The following ZSWIM2 variants were observed in gnomAD, a reference collection of about 807,000 sequenced individuals.
ZSWIM2 encodes the protein E3 ubiquitin-protein ligase ZSWIM2.
In ZSWIM2, 38 loss-of-function variants were observed where a neutral mutation model predicts 48.4. That is an observed-to-expected ratio of 0.79 (90% CI 0.61 to 1.03). ZSWIM2 has a LOEUF of 1.03. ZSWIM2 is among the 50% of genes least tolerant of loss of function. The pLI is 0.00. For missense variants in ZSWIM2, 776 were observed against 730.2 expected, an observed-to-expected ratio of 1.06 and a Z score of -0.72; for synonymous variants, 240 against 251.3, an observed-to-expected ratio of 0.96 and a Z score of 0.42.
At chr2:186,841,045 C>G (rs537558548) in intron 3 of ZSWIM2, among the ~76,000 whole-genome samples, 2 of 151,458 alleles carry the variant, frequency 1.3e-5, no homozygotes, top group Admixed American at 1.3e-4. Flanking sequence ...AGCACAGACA[C>G]TAAAACTGAC....
intron 7 of ZSWIM2, among the ~76,000 whole-genome samples, chr2:186,831,465 C>T (rs1691698291): frequency 1.3e-5 from 2 of 151,772 alleles, no homozygotes; most frequent in Admixed American, 1.3e-4. Context: ...GAAATTATTA[C>T]TTTTAGTTTC....
intron 3 of ZSWIM2, among the ~76,000 whole-genome samples, chr2:186,841,650 T>A (rs2105821222): frequency 6.6e-6 from 1 of 151,460 alleles, no homozygotes; most frequent in South Asian, 2.1e-4. Context: ...AAATTGCTTA[T>A]AATATACCAT....
chr2:186,835,208 A>G (rs191897913), intron 5 of ZSWIM2, among the ~76,000 whole-genome samples: 24,981 of 152,146 alleles, frequency 0.16, 2,325 homozygotes, highest in Middle Eastern at 0.26. Context: ...CATATAAAAG[A>G]TCTCAATAAA....
At chr2:186,831,973 A>G (rs141177290) in intron 7 of ZSWIM2, among the ~76,000 whole-genome samples, 9,125 of 152,218 alleles carry the variant, frequency 0.06, 419 homozygotes, top group Non-Finnish European at 0.092. Flanking sequence ...ATGTATACAT[A>G]TGTAACAAAC....
chr2:186,835,394 T>A lies in ZSWIM2; in HGVS notation c.744-1364A>T, dbSNP rs1691775697. On this transcript the variant is annotated intron_variant, in intron 5 of 8. Transcript: ENST00000295131. Reference sequence around the variant, plus strand: ...ACTTATTATTCAAGTTATCAAATATTTAGAAGATTATTGCCATGAGAAATT... The same window carrying A: ...ACTTATTATTCAAGTTATCAAATATATAGAAGATTATTGCCATGAGAAATT... 2.0e-5 allele frequency among the ~76,000 whole-genome samples: 3 copies of A among 152,124 alleles called. No homozygotes were observed. In the South Asian group the frequency reaches 6.2e-4, roughly 31 times the overall value.
At chr2:186,828,827 A>G (rs1434423162) in intron 8 of ZSWIM2, 37 bp from the exon 9 acceptor site, 3 of 1,228,066 alleles carry the variant, frequency 2.4e-6, no homozygotes, top group South Asian at 2.7e-5. Flanking sequence ...AACTATACCA[A>G]TCTTGTTTAT....
In ZSWIM2 at chr2:186,841,369, T is replaced by C. The variant is rs543952877; in HGVS notation, c.284-2200A>G. Among the ~76,000 whole-genome samples, 39 of 151,454 alleles carry C rather than the reference T, an allele frequency of 2.6e-4. 1 individual carries two copies. The South Asian group carries it at 8.1e-3, about 31-fold the overall frequency. ...CTGTTAATATCTTTGTATGCTTAAG[T>C]ACTATAGTTAAAATGTGCCAAAAAC... On this transcript the variant is annotated intron_variant, in intron 3 of 8. Coordinates refer to ENST00000295131, the MANE Select transcript of ZSWIM2 (RefSeq NM_182521.3).
chr2:186,834,592 C>A (rs1196147238), intron 5 of ZSWIM2, among the ~76,000 whole-genome samples: 1 of 152,096 alleles, frequency 6.6e-6, no homozygotes, highest in Non-Finnish European at 1.5e-5. Context: ...ACAGTCTCAT[C>A]CTGAAACCAT....
chr2:186,835,559 G>A (rs1211610023), intron 5 of ZSWIM2, among the ~76,000 whole-genome samples: 1 of 152,076 alleles, frequency 6.6e-6, no homozygotes, highest in Non-Finnish European at 1.5e-5. Flanking sequence ...ATACATCAAA[G>A]TATGCTGGGC....
rs1211668965 is a variant in ZSWIM2, at chr2:186,849,135, G to C, written c.-5C>G. On this transcript the variant is annotated 5_prime_UTR_variant, in exon 1 of 9. Coordinates refer to ENST00000295131, the MANE Select transcript of ZSWIM2 (RefSeq NM_182521.3). Reference sequence around the variant, plus strand: ...CTTATAGCCTCGGCGAAGCATGCTGGGTGCGGGCGGAGGCGGCCCCTCTGC... The same window carrying C: ...CTTATAGCCTCGGCGAAGCATGCTGCGTGCGGGCGGAGGCGGCCCCTCTGC... The C allele has an allele frequency of 4.4e-6, 7 of 1,605,232 alleles. No individual in the cohort carries two copies. Among genetic ancestry groups the C allele is most frequent in the South Asian group, 1.1e-5 (1 of 90,736 alleles).
At chr2:186,844,805 A>G in intron 2 of ZSWIM2, 48 bp from the exon 3 acceptor site, 1 of 1,462,128 alleles carries the variant, frequency 6.8e-7, no homozygotes, top group Non-Finnish European at 9.2e-7. Context: ...TTTTTGGCAT[A>G]AACTCAAAAG....
At chr2:186,840,847 GA>G (rs1264810339) in intron 3 of ZSWIM2, among the ~76,000 whole-genome samples, 1 of 151,274 alleles carries the variant, frequency 6.6e-6, no homozygotes, top group Non-Finnish European at 1.5e-5. Flanking sequence ...AAGCCATAGA[GA>G]AAAAACTTAT....
chr2:186,837,479 G>A lies in ZSWIM2; in HGVS notation c.570C>T (p.Ser190=). 6.2e-7 allele frequency: 1 copy of A among 1,612,288 alleles called. No homozygotes were observed. The highest frequency in any genetic ancestry group is 8.5e-7 in the Non-Finnish European group (1 of 1,179,006). Residue 190 remains serine (S), a synonymous_variant, in exon 5 of 9, where the codon TCC becomes TCT. Coordinates refer to ENST00000295131, the MANE Select transcript of ZSWIM2 (RefSeq NM_182521.3). ...TCCTGCACAGAGGACATTTCAACAT[G>A]GAAGTGTTTGATGTACTCTGATAAT... ...LANYQSTSNT[S]MLKCPLCRKE... is the part of the protein sequence containing the mutation.
chr2:186,840,402 C>A (rs891735110), intron 3 of ZSWIM2, among the ~76,000 whole-genome samples: 2 of 151,376 alleles, frequency 1.3e-5, no homozygotes, highest in Non-Finnish European at 3.0e-5. Context: ...AAAATGAATT[C>A]GGAAAAATTA....
rs551539354 is a variant in ZSWIM2 at position 186,827,921 on chromosome 2, T to A, written c.*63A>T. ...ATTTGTCAAGACTATGTGTGCTTTT[T>A]ATGTTCTATATAAAACATTTTTTTA... On this transcript the variant is annotated 3_prime_UTR_variant, in exon 9 of 9. Transcript: ENST00000295131. 7.5e-7 allele frequency: 1 copy of A among 1,333,276 alleles called. No individual in the cohort carries two copies. Among genetic ancestry groups the A allele is most frequent in the African/African-American group, 1.5e-5 (1 of 67,372 alleles). 82.6% of individuals were successfully genotyped at this position (1,333,276 alleles called of 1,614,324 possible).
intron 8 of ZSWIM2, 28 bp downstream of exon 8, chr2:186,829,699 A>T: frequency 6.3e-7 from 1 of 1,597,662 alleles, no homozygotes; most frequent in Non-Finnish European, 8.5e-7. Flanking sequence ...CTACAGGGAA[A>T]GTAAAACTAA....
chr2:186,842,272 T>C (rs1024167362), intron 3 of ZSWIM2, among the ~76,000 whole-genome samples: 3 of 151,382 alleles, frequency 2.0e-5, no homozygotes, highest in Non-Finnish European at 3.0e-5. Flanking sequence ...ATGTTTATTC[T>C]AGCTTTAATT....
rs1176903530 is a variant in ZSWIM2 at position 186,828,456 on chromosome 2, T to C, written c.1430A>G (p.Asn477Ser). Residue 477 changes from asparagine (N) to serine (S), a missense_variant, in exon 9 of 9, where the codon AAT becomes AGT. Coordinates refer to ENST00000295131, the MANE Select transcript of ZSWIM2 (RefSeq NM_182521.3). Reference protein sequence around the residue: ...IDNLCSIKLDNSNSKKLTYDY... With the variant: ...IDNLCSIKLDSSNSKKLTYDY... Reference sequence around the variant, plus strand: ...ATAGGTTAATTTTTTTGAATTTGAATTATCTAATTTGATAGAGCATAGATT... The same window carrying C: ...ATAGGTTAATTTTTTTGAATTTGAACTATCTAATTTGATAGAGCATAGATT... 3.1e-6 allele frequency: 5 copies of C among 1,613,302 alleles called. No individual in the cohort carries two copies. Among genetic ancestry groups the C allele is most frequent in the South Asian group, 1.1e-5 (1 of 91,048 alleles).
chr2:186,846,808 C>CATATATATATATATATATATATATAT (rs1264213432), intron 2 of ZSWIM2, among the ~76,000 whole-genome samples: 89 of 50,254 alleles, frequency 1.8e-3, no homozygotes, highest in African/African-American at 4.5e-3. Context: ...CACACACACA[C>CATATATATATATATATATATATATAT]ACATATATAT....
Sources: allele counts gnomAD v4.1 joint callset (sites outside exome capture counted in the v4.1 genomes callset), GRCh38; gene constraint gnomAD v4.1.1; transcripts MANE v1.5; gene names NCBI Gene and HGNC (gene_info 2026-07-23, HGNC 2026-07-21).